Variants in RBFOX1 observed in about 807,000 individuals in gnomAD.
RBFOX1 encodes RNA binding protein fox-1 homolog 1.
In RBFOX1, 8 loss-of-function variants were observed where a neutral mutation model predicts 57.7. That is an observed-to-expected ratio of 0.14 (90% CI 0.08 to 0.25). RBFOX1 has a LOEUF of 0.25. Among genes scored for constraint, RBFOX1 ranks in the 10% least tolerant of loss-of-function variants. RBFOX1 has a pLI of 1.00. For synonymous variants in RBFOX1, 326 were observed against 222.4 expected, an observed-to-expected ratio of 1.47 and a Z score of -4.15; for missense variants, 611 against 548.5, an observed-to-expected ratio of 1.11 and a Z score of -1.14.
At chr16:5,303,525 A>G (rs545996989) in intron 1 of RBFOX1, among the ~76,000 whole-genome samples, 3 of 152,130 alleles carry the variant, frequency 2.0e-5, no homozygotes, top group Non-Finnish European at 4.4e-5. Context: ...AACCCTGGAG[A>G]AAAGCTGGCT....
intron 2 of RBFOX1, among the ~76,000 whole-genome samples, chr16:5,514,242 G>A (rs1106619): frequency 0.13 from 19,536 of 152,224 alleles, 1,580 homozygotes; most frequent in Middle Eastern, 0.2. Flanking sequence ...TTGGCTGACC[G>A]TGGATGGGTT....
rs550562218 is a variant in RBFOX1, at chr16:5,842,360, C to T, written c.319-24943C>T. On this transcript the variant is annotated intron_variant, in intron 3 of 19. Transcript: ENST00000641259. ...GCAGGAGGGTTTAGGGAATTTTGTT[C>T]TCTCTGTGGGAAATCACAAAGCCCT... Among the ~76,000 whole-genome samples the T allele has an allele frequency of 8.5e-4, 129 of 152,254 alleles. 1 individual carries two copies. The highest frequency in any genetic ancestry group is 1.5e-3 in the Non-Finnish European group (101 of 68,018).
intron 2 of RBFOX1, among the ~76,000 whole-genome samples, chr16:5,582,203 A>T (rs1000529931): frequency 1.3e-5 from 2 of 152,172 alleles, no homozygotes; most frequent in South Asian, 2.1e-4. Flanking sequence ...GTTGCACCAC[A>T]GGAAGTGAGG....
chr16:7,355,718 G>C (rs967255976), intron 4 of RBFOX1, among the ~76,000 whole-genome samples: 9 of 152,164 alleles, frequency 5.9e-5, no homozygotes, highest in Admixed American at 5.9e-4. Flanking sequence ...AAATGGCTTT[G>C]CCAATTCTTA....
chr16:7,636,194 C>T (rs2061727983), intron 11 of RBFOX1, among the ~76,000 whole-genome samples: 1 of 152,230 alleles, frequency 6.6e-6, no homozygotes, highest in Non-Finnish European at 1.5e-5. Context: ...ATCCATTCTA[C>T]ACTTAACATT....
chr16:6,765,354 G>A (rs1378754825), intron 3 of RBFOX1, among the ~76,000 whole-genome samples: 4 of 152,072 alleles, frequency 2.6e-5, no homozygotes, highest in Non-Finnish European at 5.9e-5. Context: ...TAGCAAATAC[G>A]GCTTGTTGGA....
intron 4 of RBFOX1, among the ~76,000 whole-genome samples, chr16:7,380,172 G>A (rs2097762306): frequency 6.6e-6 from 1 of 152,134 alleles, no homozygotes. Context: ...ATGTTTTGCT[G>A]TATACCTTTT....
intron 3 of RBFOX1, among the ~76,000 whole-genome samples, chr16:6,700,771 C>T (rs1301414305): frequency 6.6e-6 from 1 of 152,060 alleles, no homozygotes; most frequent in Non-Finnish European, 1.5e-5. Flanking sequence ...ACTACATTTA[C>T]CATGTTATCT....
intron 3 of RBFOX1, among the ~76,000 whole-genome samples, chr16:6,838,058 C>A (rs572346809): frequency 1.3e-5 from 2 of 151,360 alleles, no homozygotes; most frequent in South Asian, 2.1e-4. Flanking sequence ...ATGTGCAGAA[C>A]ATGCAGGTTT....
chr16:5,757,483 G>A (rs1207795113), intron 3 of RBFOX1, among the ~76,000 whole-genome samples: 1 of 152,054 alleles, frequency 6.6e-6, no homozygotes, highest in South Asian at 2.1e-4. Context: ...GCCCTCCTCA[G>A]CCTCCAAAAG....
At chr16:5,512,614 TA>T (rs1337772913) in intron 2 of RBFOX1, among the ~76,000 whole-genome samples, 2 of 152,340 alleles carry the variant, frequency 1.3e-5, no homozygotes, top group Admixed American at 6.5e-5. Flanking sequence ...GTTGTTTTAG[TA>T]AACCATTTAT....
intron 1 of RBFOX1, among the ~76,000 whole-genome samples, chr16:5,246,441 C>T (rs115301466): frequency 0.023 from 3,434 of 152,142 alleles, 116 homozygotes; most frequent in African/African-American, 0.071. Context: ...ATCACCTCCT[C>T]GACTTATTTT....
chr16:5,959,241 C>G (rs2059703736), intron 4 of RBFOX1, among the ~76,000 whole-genome samples: 1 of 152,220 alleles, frequency 6.6e-6, no homozygotes, highest in Admixed American at 6.5e-5. Context: ...AGAGGGAACT[C>G]TTGCATAGCC....
chr16:6,440,412 G>C (rs2094351793), intron 2 of RBFOX1, among the ~76,000 whole-genome samples: 1 of 152,132 alleles, frequency 6.6e-6, no homozygotes, highest in Non-Finnish European at 1.5e-5. Flanking sequence ...TTTGTCCAGG[G>C]GAATCTGGGT....
Position 6,364,634 on chromosome 16 carries a change from G to A in RBFOX1, c.-64+47577G>A, listed in dbSNP as rs77090170. Among the ~76,000 whole-genome samples, 3 of 152,296 alleles carry A rather than the reference G, an allele frequency of 2.0e-5. No homozygotes were observed. The East Asian group carries it at 5.8e-4, about 29-fold the overall frequency. On this transcript the variant is annotated intron_variant, in intron 2 of 15. Coordinates refer to ENST00000550418, the MANE Select transcript of RBFOX1 (RefSeq NM_018723.4). Reference sequence around the variant, plus strand: ...ACATATGGTCATATAGAGGATCTTTGTGGTCCATCTAGTTCTTTAGTTTCA... The same window carrying A: ...ACATATGGTCATATAGAGGATCTTTATGGTCCATCTAGTTCTTTAGTTTCA...
intron 5 of RBFOX1, among the ~76,000 whole-genome samples, chr16:7,534,289 C>T (rs111900051): frequency 0.041 from 6,252 of 151,524 alleles, 195 homozygotes; most frequent in East Asian, 0.12. Flanking sequence ...GATGGGGTTT[C>T]ACCATGTTAG....
intron 15 of RBFOX1, 75 bp downstream of exon 15, chr16:7,709,206 G>C: frequency 7.4e-7 from 1 of 1,349,660 alleles, no homozygotes; most frequent in Non-Finnish European, 1.0e-6. Context: ...CTCAGTACGG[G>C]TTGACGTCCT....
chr16:5,878,417 G>A (rs2057672694), intron 4 of RBFOX1, among the ~76,000 whole-genome samples: 2 of 152,252 alleles, frequency 1.3e-5, no homozygotes, highest in African/African-American at 4.8e-5. Flanking sequence ...AGGCTCAGAA[G>A]AGTTTATGGG....
chr16:5,241,906 G>A (rs2062176631), intron 1 of RBFOX1, among the ~76,000 whole-genome samples: 1 of 151,642 alleles, frequency 6.6e-6, no homozygotes, highest in Admixed American at 6.6e-5. Context: ...TTTAAGACCA[G>A]CCTGGGCAAC....
Sources: gnomAD v4.1 joint callset for allele counts (sites outside exome capture counted in the v4.1 genomes callset) on GRCh38, gnomAD v4.1.1 for gene constraint, MANE v1.5 for transcripts, NCBI Gene and HGNC (gene_info 2026-07-23, HGNC 2026-07-21) for gene names.